The following ERG variants were observed in gnomAD, a reference collection of about 807,000 sequenced individuals.
ERG encodes the protein transcriptional regulator ERG.
Under a neutral mutation model 55.3 loss-of-function variants are expected in ERG, and 9 were observed. The ratio of observed to expected loss-of-function variants is 0.16; its 90% CI spans 0.10 to 0.28. The LOEUF (loss-of-function observed/expected upper bound fraction) is 0.28, where lower values mean the gene tolerates loss of function less well. Among genes scored for constraint, ERG ranks in the 10% least tolerant of loss-of-function variants. ERG has a pLI of 1.00. For synonymous variants in ERG, 223 were observed against 237.3 expected, an observed-to-expected ratio of 0.94 and a Z score of 0.55; for missense variants, 434 against 631.6, an observed-to-expected ratio of 0.69 and a Z score of 3.35.
At chr21:38,385,399 T>G (rs1355510029) in intron 9 of ERG, among the ~76,000 whole-genome samples, 2 of 152,216 alleles carry the variant, frequency 1.3e-5, no homozygotes, top group African/African-American at 4.8e-5. Context: ...ATGATTAAAG[T>G]AACTTTAACT....
intron 1 of ERG, among the ~76,000 whole-genome samples, chr21:38,603,375 T>C (rs57461137): frequency 0.072 from 10,960 of 151,712 alleles, 791 homozygotes; most frequent in African/African-American, 0.18. Flanking sequence ...AATCCCAGCA[T>C]TTTGGGAGGC....
intron 1 of ERG, among the ~76,000 whole-genome samples, chr21:38,601,742 C>T (rs543964082): frequency 3.3e-5 from 5 of 152,224 alleles, no homozygotes; most frequent in Admixed American, 2.6e-4. Flanking sequence ...CAGTTTTCTC[C>T]TACATAGTAA....
At chr21:38,550,521 C>G (rs2059817695) in intron 2 of ERG, among the ~76,000 whole-genome samples, 1 of 152,160 alleles carries the variant, frequency 6.6e-6, no homozygotes, top group Admixed American at 6.5e-5. Flanking sequence ...GAGATTCCCT[C>G]ACCCTTTTGT....
intron 2 of ERG, among the ~76,000 whole-genome samples, chr21:38,552,077 C>G (rs371748034): frequency 2.5e-4 from 38 of 152,118 alleles, no homozygotes; most frequent in African/African-American, 8.7e-4. Flanking sequence ...TGAATTGGAC[C>G]CTTTATCATT....
At chr21:38,584,852 G>C (rs2060052681) in exon 1 of ERG, 1 of 152,264 alleles carries the variant, frequency 6.6e-6, no homozygotes, top group East Asian at 1.9e-4. Context: ...ACCTTTAGTT[G>C]CCCTTGGTTC....
In ERG at chr21:38,444,741, C is replaced by A. The variant is rs66904571; in HGVS notation, c.236+663G>T. The stretch of plus-strand genomic sequence containing the variant: ...CTAAGAGGAGGAAAAAAAAAAAAAA[C>A]AAACAGCAGGCATTAAGAGAAGAGG... On this transcript the variant is annotated intron_variant, in intron 2 of 9. Transcript: ENST00000288319. Among the ~76,000 whole-genome samples, 349 of 93,336 alleles carry A rather than the reference C, an allele frequency of 3.7e-3. 6 individuals are homozygous for A. The highest frequency in any genetic ancestry group is 0.014 in the Middle Eastern group (3 of 208). 61.2% of individuals were successfully genotyped at this position (93,336 alleles called of 152,430 possible).
intron 2 of ERG, among the ~76,000 whole-genome samples, chr21:38,538,404 G>T (rs2059727304): frequency 6.6e-6 from 1 of 151,924 alleles, no homozygotes; most frequent in East Asian, 1.9e-4. Context: ...GAAGATTCCT[G>T]GGTCTAGTTG....
chr21:38,403,428 C>G, intron 4 of ERG, 78 bp downstream of exon 4: 1 of 1,421,700 alleles, frequency 7.0e-7, no homozygotes, highest in Non-Finnish European at 9.9e-7. Context: ...TGTCGACACA[C>G]CTGGTTGAAC....
intron 1 of ERG, among the ~76,000 whole-genome samples, chr21:38,627,869 A>G (rs955965765): frequency 2.6e-5 from 4 of 152,196 alleles, no homozygotes; most frequent in Non-Finnish European, 5.9e-5. Flanking sequence ...CATGCATAGA[A>G]GAGTCTGGGA....
At chr21:38,573,077 G>A (rs943586474) in intron 2 of ERG, among the ~76,000 whole-genome samples, 3 of 152,200 alleles carry the variant, frequency 2.0e-5, no homozygotes, top group African/African-American at 7.2e-5. Flanking sequence ...AGGGATCTAG[G>A]GCTGTGCAGG....
intron 1 of ERG, among the ~76,000 whole-genome samples, chr21:38,616,314 A>G (rs2060258612): frequency 6.6e-6 from 1 of 152,172 alleles, no homozygotes; most frequent in Admixed American, 6.5e-5. Flanking sequence ...ATGGACTAAT[A>G]TACCCGTCTT....
intron 1 of ERG, chr21:38,451,021 T>G (rs2058936622): frequency 2.3e-6 from 1 of 432,400 alleles, no homozygotes; most frequent in Non-Finnish European, 4.6e-6. Context: ...GACTGGCCAC[T>G]ACCTGGCTGT....
chr21:38,372,771 T>C, the ERG span, among the ~76,000 whole-genome samples: 2 of 152,122 alleles, frequency 1.3e-5, no homozygotes, highest in Non-Finnish European at 2.9e-5. Flanking sequence ...TTTTTAGTTG[T>C]TGGGAGCAGT....
At chr21:38,533,623 A>C (rs2059687899) in intron 2 of ERG, among the ~76,000 whole-genome samples, 1 of 152,240 alleles carries the variant, frequency 6.6e-6, no homozygotes, top group South Asian at 2.1e-4. Flanking sequence ...TTCTTCAAAA[A>C]TATGTACAGT....
intron 1 of ERG, among the ~76,000 whole-genome samples, chr21:38,635,524 C>T (rs576609852): frequency 6.6e-6 from 1 of 151,888 alleles, no homozygotes; most frequent in South Asian, 2.1e-4. Context: ...AAAAAGTAAC[C>T]AAGAGGAAAC....
chr21:38,603,146 C>A (rs2060174590), intron 1 of ERG, among the ~76,000 whole-genome samples: 1 of 151,954 alleles, frequency 6.6e-6, no homozygotes, highest in African/African-American at 2.4e-5. Context: ...AGCTGGGTCT[C>A]CTCAAGAACT....
At chr21:38,496,866 C>G (rs2146689446) in intron 1 of ERG, among the ~76,000 whole-genome samples, 1 of 152,104 alleles carries the variant, frequency 6.6e-6, no homozygotes, top group African/African-American at 2.4e-5. Flanking sequence ...GAAAAAAAAC[C>G]ACATAAGATC....
At chr21:38,555,444 T>A (rs2059852283) in intron 2 of ERG, among the ~76,000 whole-genome samples, 1 of 152,156 alleles carries the variant, frequency 6.6e-6, no homozygotes, top group Non-Finnish European at 1.5e-5. Context: ...AATATTATTA[T>A]TTAATAGAAA....
chr21:38,557,932 T>C (rs190407254), intron 2 of ERG, among the ~76,000 whole-genome samples: 46 of 152,342 alleles, frequency 3.0e-4, no homozygotes, highest in African/African-American at 1.0e-3. Flanking sequence ...TGAACAAAAC[T>C]TTTTAAAAAT....
Sources: allele counts gnomAD v4.1 joint callset (sites outside exome capture counted in the v4.1 genomes callset), GRCh38; gene constraint gnomAD v4.1.1; transcripts MANE v1.5; gene names NCBI Gene and HGNC (gene_info 2026-07-23, HGNC 2026-07-21).